PPFIA3: variants seen among roughly 807,000 people sequenced by gnomAD.
PPFIA3 encodes the protein liprin-alpha-3.
PPFIA3 carries 26 observed loss-of-function variants against 145.8 expected under a neutral mutation model. The observed-to-expected ratio is 0.18, with a 90% CI of 0.13 to 0.25. The LOEUF (loss-of-function observed/expected upper bound fraction) is 0.25, where lower values mean the gene tolerates loss of function less well. PPFIA3 is among the 10% of genes least tolerant of loss of function. The pLI, the probability that PPFIA3 is intolerant of heterozygous loss-of-function variation, is 1.00. For missense variants in PPFIA3, 1,008 were observed against 1,587.8 expected (o/e 0.63, Z 6.21); for synonymous variants, 645 against 661.4 (o/e 0.98, Z 0.38).
chr19:49,120,584 TCTG>T lies in PPFIA3; in HGVS notation c.-16+865_-16+867del, dbSNP rs2040925192. On this transcript the variant is annotated intron_variant, in intron 1 of 29. Coordinates refer to ENST00000334186, the MANE Select transcript of PPFIA3 (RefSeq NM_003660.4). The surrounding 1 kb of genome is among the most constrained non-coding windows in gnomAD (Gnocchi z 4.6). ...AGGAATCCTGTTCCCCAGCGTTTGC[TCTG>T]CTTAGAACCCCGCTGTGCCCTGCAG... is the stretch of plus-strand genomic sequence containing the variant. 6.6e-6 allele frequency among the ~76,000 whole-genome samples: 1 copy of T among 152,092 alleles called. No individual in the cohort carries two copies. The highest frequency in any genetic ancestry group is 1.9e-4 in the East Asian group (1 of 5,180).
intron 22 of PPFIA3, 55 bp from the exon 23 acceptor site, chr19:49,146,111 C>T: frequency 1.2e-6 from 2 of 1,611,612 alleles, no homozygotes; most frequent in Non-Finnish European, 8.5e-7. Context: ...TTGCGTCCTC[C>T]TCTGCCTGCC....
rs2041096837 is a variant in PPFIA3, at chr19:49,133,233, C to A, written c.1027-4C>A. 3 of 1,602,106 alleles carry A rather than the reference C, an allele frequency of 1.9e-6. No individual in the cohort carries two copies. Among genetic ancestry groups the A allele is most frequent in the South Asian group, 2.2e-5 (2 of 90,530 alleles). ...TCCCCTCCCCCTGCCTCTCCCTCCC[C>A]CAGAGTGAAGAGAAGAGCCGTCAGC... On this transcript the variant is annotated splice_region_variant and splice_polypyrimidine_tract_variant and intron_variant, in intron 8 of 29. Coordinates refer to ENST00000334186, the MANE Select transcript of PPFIA3 (RefSeq NM_003660.4). This position sits in a 1 kb window ranked among gnomAD's most constrained non-coding sequence, Gnocchi z 7.2.
At chr19:49,146,220 G>C in intron 23 of PPFIA3, 28 bp downstream of exon 23, 1 of 1,611,136 alleles carries the variant, frequency 6.2e-7, no homozygotes, top group Non-Finnish European at 8.5e-7. Flanking sequence ...GGGCGTGAGC[G>C]CATGAACAGG....
Position 49,142,828 on chromosome 19 carries a change from T to C in PPFIA3, c.2569T>C (p.Tyr857His). 6.2e-7 allele frequency: 1 copy of C among 1,613,628 alleles called. No homozygotes were observed. Among genetic ancestry groups the C allele is most frequent in the African/African-American group, 1.3e-5 (1 of 74,902 alleles). The change falls in exon 21 of 30, where the codon TAT becomes CAT. Residue 857 changes from tyrosine to histidine, a missense_variant. By Grantham distance (83) the Tyr-to-His change is moderately conservative. This residue lies in a region of PPFIA3 where 154 missense variants were observed against 369.2 expected (regional missense o/e 0.42). Transcript: ENST00000334186. The part of the protein sequence containing the change: ...LELWVGMPAW[Y>H]VAACRANVKS... Reference sequence around the variant, plus strand: ...GCTGTGGGTGGGCATGCCTGCCTGGTATGTGGCCGCCTGCCGGGCCAATGT... The same window carrying C: ...GCTGTGGGTGGGCATGCCTGCCTGGCATGTGGCCGCCTGCCGGGCCAATGT...
chr19:49,128,274 G>C lies in PPFIA3; in HGVS notation c.241-93G>C, dbSNP rs1600327389. 3.9e-6 allele frequency: 6 copies of C among 1,521,542 alleles called. No individual in the cohort carries two copies. Among genetic ancestry groups the C allele is most frequent in the Non-Finnish European group, 4.5e-6 (5 of 1,099,966 alleles). 94.3% of individuals were successfully genotyped at this position (1,521,542 alleles called of 1,614,324 possible). On this transcript the variant is annotated intron_variant, in intron 2 of 29. Transcript: ENST00000334186. This position sits in a 1 kb window ranked among gnomAD's most constrained non-coding sequence, Gnocchi z 4.1. ...GCAAGGGACAGCGGGACTTAGCAGGGAGGGCGGGACCTTCAAACTTCCAGT... is the reference window on the plus strand; with the variant it reads ...GCAAGGGACAGCGGGACTTAGCAGGCAGGGCGGGACCTTCAAACTTCCAGT...
chr19:49,142,769 T>A, intron 20 of PPFIA3, 35 bp from the exon 21 acceptor site: 1 of 1,432,506 alleles, frequency 7.0e-7, no homozygotes, highest in Non-Finnish European at 9.4e-7. Flanking sequence ...CCTCTGTCCC[T>A]CTGTCCCCTC....
At position 49,127,936 on chromosome 19, in the gene PPFIA3, G is replaced by C. The variant is rs758469400; in HGVS notation, c.63G>C (p.Pro21=). 2.5e-6 allele frequency: 4 copies of C among 1,593,852 alleles called. No homozygotes were observed. In the Admixed American group the frequency reaches 6.7e-5, roughly 27 times the overall value. The change falls in exon 2 of 30, where the codon CCG becomes CCC. Residue 21 remains proline, a synonymous_variant. Coordinates refer to ENST00000334186, the MANE Select transcript of PPFIA3 (RefSeq NM_003660.4). Reference sequence around the variant, plus strand: ...GCCGGCGGGGCTCGGCGCTGGGCCCGGACGAGGCGGGCGGGGAGCTGGAGC... The same window carrying C: ...GCCGGCGGGGCTCGGCGCTGGGCCCCGACGAGGCGGGCGGGGAGCTGGAGC... ...EDGRRGSALG[P]DEAGGELERL... is the part of the protein sequence containing the mutation.
intron 15 of PPFIA3, 88 bp downstream of exon 15, chr19:49,136,999 C>T: frequency 7.9e-7 from 1 of 1,269,800 alleles, no homozygotes; most frequent in South Asian, 1.6e-5. Flanking sequence ...AAGCCTGAGT[C>T]CGTCTCCTCT....
intron 21 of PPFIA3, 92 bp downstream of exon 21, chr19:49,143,096 T>C: frequency 3.6e-6 from 5 of 1,385,108 alleles, no homozygotes; most frequent in Non-Finnish European, 5.0e-6. Flanking sequence ...CTCACTCCCC[T>C]GTCCCACGAC....
At position 49,134,260 on chromosome 19, in the gene PPFIA3, C is replaced by G. The variant is rs976192876; in HGVS notation, c.1377+95C>G. On this transcript the variant is annotated intron_variant, in intron 11 of 29. Coordinates refer to ENST00000334186, the MANE Select transcript of PPFIA3 (RefSeq NM_003660.4). ...CAGGCCTTTCCCTCAGATCTGTTAT[C>G]GGAGGCCTCCCTAAACCCCGGCATC... is the stretch of plus-strand genomic sequence containing the variant. The G allele has an allele frequency of 1.9e-5, 28 of 1,483,916 alleles. No individual in the cohort carries two copies. In the African/African-American group the frequency reaches 2.7e-4, roughly 14 times the overall value. The allele number at this position is 1,483,916 out of a possible 1,614,324, so 91.9% of individuals were successfully genotyped here. A position where few individuals can be genotyped will look rare whatever the true frequency, so the allele number is the denominator to read the frequency against.
Position 49,149,942 on chromosome 19 carries a change from C to A in PPFIA3, c.3527-138C>A. 1.7e-6 allele frequency: 2 copies of A among 1,195,964 alleles called. No individual in the cohort carries two copies. Among genetic ancestry groups the A allele is most frequent in the Non-Finnish European group, 2.3e-6 (2 of 855,284 alleles). The allele number at this position is 1,195,964 out of a possible 1,614,324, so 74.1% of individuals were successfully genotyped here. On this transcript the variant is annotated intron_variant, in intron 28 of 29. Transcript: ENST00000334186. This position sits in a 1 kb window ranked among gnomAD's most constrained non-coding sequence, Gnocchi z 5.7. ...GCCCAATGCGAGTTTGAGTCCTTGG[C>A]TGCGGGGAAGGGAGGGAAACCCATG...
In PPFIA3 at chr19:49,133,397, C is replaced by A; in HGVS notation, c.1161+26C>A. The A allele has an allele frequency of 8.3e-6, 13 of 1,561,404 alleles. No homozygotes were observed. The highest frequency in any genetic ancestry group is 1.1e-5 in the Non-Finnish European group (13 of 1,154,338). ...GTGCGGGGAGGACTCGGGTCGGGGC[C>A]TTGCGTGGGGAAGGGGTGGGGCCTA... On this transcript the variant is annotated intron_variant, in intron 9 of 29. Transcript: ENST00000334186. This position sits in a 1 kb window ranked among gnomAD's most constrained non-coding sequence, Gnocchi z 7.2.
intron 23 of PPFIA3, 41 bp downstream of exon 23, chr19:49,146,233 G>C: frequency 6.2e-7 from 1 of 1,607,046 alleles, no homozygotes; most frequent in East Asian, 2.2e-5. Flanking sequence ...TGAACAGGCT[G>C]TGCACGACGC....
rs748309499 is a variant in PPFIA3, at chr19:49,135,807, C to T, written c.1549C>T (p.Arg517Cys). The T allele has an allele frequency of 1.2e-5, 19 of 1,613,582 alleles. No homozygotes were observed. The highest frequency in any genetic ancestry group is 3.3e-5 in the Admixed American group (2 of 59,950). ...TCTCCCTGGCAGTGCCCTGGAGCTC[C>T]GTTACTCTCAGGCACCCACTTTACC... is the stretch of plus-strand genomic sequence containing the variant. ...RSLPGSALELRYSQAPTLPSG... is the reference protein window; with the variant it reads ...RSLPGSALELCYSQAPTLPSG... Residue 517 changes from arginine (R) to cysteine (C), a missense_variant, in exon 14 of 30, where the codon CGT becomes TGT. By Grantham distance (180) the Arg-to-Cys change is radical. Coordinates refer to ENST00000334186, the MANE Select transcript of PPFIA3 (RefSeq NM_003660.4).
At position 49,130,454 on chromosome 19, in the gene PPFIA3, A is replaced by G; in HGVS notation, c.734A>G (p.Gln245Arg). 3 of 1,609,194 alleles carry G rather than the reference A, an allele frequency of 1.9e-6. No individual in the cohort carries two copies. Among genetic ancestry groups the G allele is most frequent in the Non-Finnish European group, 2.5e-6 (3 of 1,178,354 alleles). Residue 245 changes from glutamine to arginine, a missense_variant, in exon 7 of 30, where the codon CAG becomes CGG. Gln to Arg is a conservative substitution (Grantham distance 43, BLOSUM62 1). Around this residue, in one of 11 missense-constraint regions of PPFIA3, gnomAD observed 136 missense variants for 160.7 expected, o/e 0.85. Coordinates refer to ENST00000334186, the MANE Select transcript of PPFIA3 (RefSeq NM_003660.4). The surrounding 1 kb of genome is among the most constrained non-coding windows in gnomAD (Gnocchi z 4.5). ...TAELEEALER[Q>R]RAEVCQLRER... The stretch of plus-strand genomic sequence containing the variant: ...GAGCTGGAGGAGGCCCTGGAGCGGC[A>G]GCGCGCCGAGGTGTGCCAGCTGCGG...
intron 14 of PPFIA3, among the ~76,000 whole-genome samples, chr19:49,136,261 G>A (rs1162988511): frequency 6.6e-6 from 1 of 152,140 alleles, no homozygotes; most frequent in African/African-American, 2.4e-5. Context: ...GCGTGGCTTG[G>A]AGAGGATTTG....
At chr19:49,146,120 C>T (rs553657440) in intron 22 of PPFIA3, 46 bp from the exon 23 acceptor site, 1 of 1,612,498 alleles carries the variant, frequency 6.2e-7, no homozygotes, top group Admixed American at 1.7e-5. Flanking sequence ...CCTCTGCCTG[C>T]CCCTTAACTC....
rs142900711 is a variant in PPFIA3 at position 49,127,843 on chromosome 19, C to T, written c.-15-16C>T. On this transcript the variant is annotated splice_polypyrimidine_tract_variant and intron_variant, in intron 1 of 29. Transcript: ENST00000334186. ...TTGACAAGGCCGGTCTGTTCCTTGC[C>T]CTCCCCGCCCCGCAGGCCCGCACCG... is the stretch of plus-strand genomic sequence containing the variant. The T allele has an allele frequency of 5.7e-6, 9 of 1,587,790 alleles. No homozygotes were observed. The highest frequency in any genetic ancestry group is 6.8e-6 in the Non-Finnish European group (8 of 1,176,816).
intron 18 of PPFIA3, among the ~76,000 whole-genome samples, chr19:49,140,639 CTTTTTTTTTTTTTT>C (rs4002348): frequency 9.4e-5 from 6 of 63,798 alleles, no homozygotes; most frequent in East Asian, 3.5e-4. Context: ...ACTCATTTAC[CTTTTTTTTTTTTTT>C]TTTTTTTTTT....
Sources: gnomAD v4.1 joint callset for allele counts (sites outside exome capture counted in the v4.1 genomes callset) on GRCh38, gnomAD v4.1.1 for gene constraint, gnomAD v4.1.1 regional missense constraint, Gnocchi (gnomAD v3.1) non-coding constraint, MANE v1.5 for transcripts, NCBI Gene and HGNC (gene_info 2026-07-23, HGNC 2026-07-21) for gene names.